The following TMEM132C variants were observed in gnomAD, a reference collection of about 807,000 sequenced individuals.
The protein encoded by TMEM132C is protein phosphatase 1, regulatory subunit 152.
TMEM132C carries 29 observed loss-of-function variants against 61.4 expected under a neutral mutation model. The observed-to-expected ratio is 0.47, with a 90% CI of 0.35 to 0.64. The LOEUF (loss-of-function observed/expected upper bound fraction) is 0.64, where lower values mean the gene tolerates loss of function less well. Among genes scored for constraint, TMEM132C ranks in the 30% least tolerant of loss-of-function variants. The probability of loss-of-function intolerance (pLI) is 0.00; values close to 1 mark genes in which losing one functional copy is unlikely to be tolerated. For missense variants in TMEM132C, 1,408 were observed against 1,476.9 expected (o/e 0.95, Z 0.76); for synonymous variants, 656 against 633.1 (o/e 1.04, Z -0.54).
chr12:128,652,685 G>A (rs1954284216), intron 4 of TMEM132C, among the ~76,000 whole-genome samples: 1 of 152,198 alleles, frequency 6.6e-6, no homozygotes, highest in South Asian at 2.1e-4. Flanking sequence ...CCCTGACCCG[G>A]GTAAAGCCCT....
intron 4 of TMEM132C, 63 bp from the exon 5 acceptor site, chr12:128,669,354 T>A: frequency 6.5e-7 from 1 of 1,529,608 alleles, no homozygotes; most frequent in Non-Finnish European, 8.8e-7. Context: ...CCCCTAGAAT[T>A]GTCCAGTTCC....
At chr12:128,674,153 G>A (rs1463299867) in intron 5 of TMEM132C, among the ~76,000 whole-genome samples, 1 of 152,188 alleles carries the variant, frequency 6.6e-6, no homozygotes, top group East Asian at 1.9e-4. Context: ...CACTAAGCTG[G>A]TTTCTGTCTC....
chr12:128,656,507 G>A (rs896084886), intron 4 of TMEM132C, among the ~76,000 whole-genome samples: 14 of 152,200 alleles, frequency 9.2e-5, no homozygotes, highest in African/African-American at 3.1e-4. Flanking sequence ...ATTTTCTAAA[G>A]TACTGCATAT....
intron 2 of TMEM132C, among the ~76,000 whole-genome samples, chr12:128,424,933 GTATCACA>G (rs1869126539): frequency 6.6e-6 from 1 of 152,144 alleles, no homozygotes; most frequent in Non-Finnish European, 1.5e-5. Context: ...GCTTTGTACT[GTATCACA>G]TTTAGAAACC....
chr12:128,512,945 C>T (rs150758826), intron 2 of TMEM132C, among the ~76,000 whole-genome samples: 134 of 152,296 alleles, frequency 8.8e-4, no homozygotes, highest in African/African-American at 3.1e-3. Flanking sequence ...ATATATGGAA[C>T]ATAGATCTCA....
At chr12:128,285,855 TTCTC>T (rs1290915348) in intron 1 of TMEM132C, among the ~76,000 whole-genome samples, 1 of 36,850 alleles carries the variant, frequency 2.7e-5, no homozygotes, top group African/African-American at 1.8e-4. Flanking sequence ...CTCTCTCCCT[TTCTC>T]TCTTTCTCTC....
intron 2 of TMEM132C, among the ~76,000 whole-genome samples, chr12:128,445,314 G>A (rs1320375603): frequency 2.0e-5 from 3 of 152,184 alleles, no homozygotes; most frequent in Non-Finnish European, 1.5e-5. Context: ...TTAAAAGAGA[G>A]GGTGCTATTT....
intron 1 of TMEM132C, among the ~76,000 whole-genome samples, chr12:128,402,074 CAG>C (rs1383370988): frequency 2.6e-5 from 4 of 152,110 alleles, no homozygotes; most frequent in East Asian, 3.9e-4. Flanking sequence ...GACAGGAAGT[CAG>C]GGGCGAGAGA....
intron 2 of TMEM132C, among the ~76,000 whole-genome samples, chr12:128,477,015 C>T (rs1018372428): frequency 1.6e-4 from 24 of 152,228 alleles, no homozygotes; most frequent in African/African-American, 5.5e-4. Flanking sequence ...TAGCTTTCTG[C>T]TTGTGGTTTG....
At chr12:128,418,012 C>A (rs527776893) in intron 2 of TMEM132C, among the ~76,000 whole-genome samples, 1 of 152,112 alleles carries the variant, frequency 6.6e-6, no homozygotes, top group Non-Finnish European at 1.5e-5. Flanking sequence ...GCGCAGCAGC[C>A]GTATTCCCTC....
chr12:128,484,495 C>T (rs536493342), intron 2 of TMEM132C, among the ~76,000 whole-genome samples: 106 of 152,178 alleles, frequency 7.0e-4, no homozygotes, highest in Admixed American at 1.4e-3. Flanking sequence ...GTGTTCTGGC[C>T]GAATCTCCCT....
chr12:128,457,930 G>C (rs1009658350), intron 2 of TMEM132C, among the ~76,000 whole-genome samples: 1 of 152,074 alleles, frequency 6.6e-6, no homozygotes, highest in African/African-American at 2.4e-5. Flanking sequence ...TTGCACTGCC[G>C]GCCACATGAC....
chr12:128,441,874 C>T lies in TMEM132C; in HGVS notation c.974+26254C>T, dbSNP rs796933335. 2.6e-5 allele frequency among the ~76,000 whole-genome samples: 4 copies of T among 151,908 alleles called. No individual in the cohort carries two copies. The South Asian group carries it at 8.3e-4, about 32-fold the overall frequency. On this transcript the variant is annotated intron_variant, in intron 2 of 8. Transcript: ENST00000435159. Reference sequence around the variant, plus strand: ...AAAATTAGCCAGGTGTGGTGGTGGGCGCCTGTAATCCCAGCTACTTGGGAG... The same window carrying T: ...AAAATTAGCCAGGTGTGGTGGTGGGTGCCTGTAATCCCAGCTACTTGGGAG...
At chr12:128,274,749 C>T (rs527359919) in intron 1 of TMEM132C, among the ~76,000 whole-genome samples, 1 of 152,290 alleles carries the variant, frequency 6.6e-6, no homozygotes, top group South Asian at 2.1e-4. Context: ...CTAAACTTTT[C>T]ACCTGGGGAA....
chr12:128,274,856 C>G (rs1222028123), intron 1 of TMEM132C, among the ~76,000 whole-genome samples: 6 of 152,094 alleles, frequency 3.9e-5, no homozygotes, highest in Non-Finnish European at 4.4e-5. Context: ...CAGGGCTGAT[C>G]AGTTTTACTG....
intron 1 of TMEM132C, among the ~76,000 whole-genome samples, chr12:128,287,769 A>G (rs571577429): frequency 1.3e-5 from 2 of 152,264 alleles, no homozygotes; most frequent in South Asian, 2.1e-4. Flanking sequence ...TTGGTCCAGC[A>G]TCTCATGCTG....
In TMEM132C at chr12:128,694,034, G is replaced by A. The variant is rs2135653000; in HGVS notation, c.1655G>A (p.Arg552Lys). Residue 552 changes from arginine (R) to lysine (K), a missense_variant and splice_region_variant, in exon 6 of 9, where the codon AGG becomes AAG. Arg to Lys is a conservative substitution (Grantham distance 26). Coordinates refer to ENST00000435159, the MANE Select transcript of TMEM132C (RefSeq NM_001136103.3). ...AGGGTCCCCATTGTGACCAATAAGA[G>A]GTGAGCCTCGGATGGGGAGATGCCC... Reference protein sequence around the residue: ...GWRVPIVTNKRPTRESEDEDE... With the variant: ...GWRVPIVTNKKPTRESEDEDE... The A allele has an allele frequency of 6.4e-7, 1 of 1,551,546 alleles. No homozygotes were observed. The highest frequency in any genetic ancestry group is 1.2e-5 in the South Asian group (1 of 84,040).
At chr12:128,541,954 C>A (rs1018529548) in intron 2 of TMEM132C, among the ~76,000 whole-genome samples, 1 of 152,164 alleles carries the variant, frequency 6.6e-6, no homozygotes. Context: ...CCCCAGGCAC[C>A]CCCAGTTCCC....
At chr12:128,373,286 C>T (rs541217288) in intron 1 of TMEM132C, among the ~76,000 whole-genome samples, 2 of 152,206 alleles carry the variant, frequency 1.3e-5, no homozygotes, top group South Asian at 2.1e-4. Context: ...CCTCTCTGTC[C>T]TTTCTTGTCA....
Sources: gnomAD v4.1 joint callset for allele counts (sites outside exome capture counted in the v4.1 genomes callset) on GRCh38, gnomAD v4.1.1 for gene constraint, MANE v1.5 for transcripts, NCBI Gene and HGNC (gene_info 2026-07-23, HGNC 2026-07-21) for gene names.